The following LMAN1 variants were observed in gnomAD, a reference collection of about 807,000 sequenced individuals.
LMAN1 encodes lectin, mannose binding 1.
A neutral mutation model predicts 67.8 loss-of-function variants in LMAN1; 32 were observed. That is an observed-to-expected ratio of 0.47 (90% confidence interval 0.36 to 0.63). The LOEUF (loss-of-function observed/expected upper bound fraction) is 0.63, where lower values mean the gene tolerates loss of function less well. Among genes scored for constraint, LMAN1 ranks in the 30% least tolerant of loss-of-function variants. The pLI, the probability that LMAN1 is intolerant of heterozygous loss-of-function variation, is 0.00. For missense variants in LMAN1, 632 were observed against 628.2 expected (o/e 1.01, Z -0.06); for synonymous variants, 235 against 219.3 (o/e 1.07, Z -0.63).
At chr18:59,344,323 A>G (rs1357798453) in intron 8 of LMAN1, among the ~76,000 whole-genome samples, 1 of 152,190 alleles carries the variant, frequency 6.6e-6, no homozygotes, top group African/African-American at 2.4e-5. Context: ...TCATTATATC[A>G]AAAAGATACT....
At chr18:59,336,654 C>G (rs1365256905) in intron 10 of LMAN1, among the ~76,000 whole-genome samples, 1 of 152,146 alleles carries the variant, frequency 6.6e-6, no homozygotes, top group Non-Finnish European at 1.5e-5. Context: ...GAGGCAGAGG[C>G]AGGAGGACTG....
chr18:59,358,893 A>T (rs1908726765), intron 1 of LMAN1, 138 bp downstream of exon 1: 1 of 852,900 alleles, frequency 1.2e-6, no homozygotes, highest in Non-Finnish European at 1.9e-6. Flanking sequence ...GGCTGCCAGG[A>T]GGGTCCCCTC....
chr18:59,352,638 C>T (rs1908568411), intron 5 of LMAN1: 1 of 167,702 alleles, frequency 6.0e-6, no homozygotes, highest in Non-Finnish European at 1.3e-5. Flanking sequence ...CACACACACA[C>T]ACCCTCTTCC....
At chr18:59,354,816 C>A (rs1044358088) in intron 3 of LMAN1, among the ~76,000 whole-genome samples, 1 of 152,134 alleles carries the variant, frequency 6.6e-6, no homozygotes, top group African/African-American at 2.4e-5. Flanking sequence ...GGCTGTTAAG[C>A]CACAAGCTAA....
In LMAN1 at chr18:59,338,838, A is replaced by C. The variant is rs1193546100; in HGVS notation, c.1071T>G (p.Asp357Glu). Residue 357 changes from aspartate (D) to glutamate (E), a missense_variant, in exon 9 of 13, where the codon GAT becomes GAG. By Grantham distance (45) the Asp-to-Glu change is conservative. Transcript: ENST00000251047. ...QLNRQLDMIL[D>E]EQRRYVSSLT... Reference sequence around the variant, plus strand: ...AGGAAGAGACATATCTTCTCTGTTCATCAAGAATCATATCTAACTGCCGGT... The same window carrying C: ...AGGAAGAGACATATCTTCTCTGTTCCTCAAGAATCATATCTAACTGCCGGT... The C allele has an allele frequency of 6.2e-7, 1 of 1,613,982 alleles. No individual in the cohort carries two copies.
chr18:59,359,055 C>G lies in LMAN1; in HGVS notation c.190G>C (p.Val64Leu), dbSNP rs772400644. 6.2e-7 allele frequency: 1 copy of G among 1,613,990 alleles called. No homozygotes were observed. The highest frequency in any genetic ancestry group is 1.1e-5 in the South Asian group (1 of 91,086). The change falls in exon 1 of 13, where the codon GTG becomes CTG. Residue 64 changes from valine (V) to leucine (L), a missense_variant. Physicochemically the swap from Val to Leu is conservative, Grantham distance 32 (BLOSUM62 1). Transcript: ENST00000251047. ...GPHLVQSDGTVPFWAHAGNAI... is the reference protein window; with the variant it reads ...GPHLVQSDGTLPFWAHAGNAI... ...CTCCCCGCGTGGGCCCAGAAGGGCACGGTCCCGTCGCTCTGCACCAGGTGC... is the reference window on the plus strand; with the variant it reads ...CTCCCCGCGTGGGCCCAGAAGGGCAGGGTCCCGTCGCTCTGCACCAGGTGC...
At chr18:59,344,441 G>GTA (rs1908355375) in intron 8 of LMAN1, among the ~76,000 whole-genome samples, 1 of 151,942 alleles carries the variant, frequency 6.6e-6, no homozygotes, top group Non-Finnish European at 1.5e-5. Context: ...GTGTGTGTGT[G>GTA]TATATATGTA....
Position 59,338,590 on chromosome 18 carries a change from TGA to T in LMAN1, c.1185_1186del (p.Gln396AlafsTer2). 1 of 1,613,934 alleles carries T rather than the reference TGA, an allele frequency of 6.2e-7. No homozygotes were observed. Among genetic ancestry groups the T allele is most frequent in the Non-Finnish European group, 8.5e-7 (1 of 1,179,836 alleles). On this transcript the variant is annotated frameshift_variant, in exon 10 of 13. Transcript: ENST00000251047. LOFTEE classifies it high-confidence loss of function. The stretch of plus-strand genomic sequence containing the variant: ...ATTTACTTGTCTCAGAATCTCATGC[TGA>T]GTTTTCACAACAGTATCCAGTTCTT...
chr18:59,352,913 AT>A, intron 5 of LMAN1: 10 of 373,288 alleles, frequency 2.7e-5, no homozygotes, highest in Non-Finnish European at 4.6e-5. Flanking sequence ...CCGTCTATCT[AT>A]CTATCTACCT....
chr18:59,348,116 T>C (rs41364947), intron 6 of LMAN1, among the ~76,000 whole-genome samples: 250 of 152,288 alleles, frequency 1.6e-3, no homozygotes, highest in African/African-American at 5.8e-3. Flanking sequence ...TAAAATCATA[T>C]CAAAAAATCA....
At chr18:59,334,137 A>G (rs1012678757) in intron 10 of LMAN1, among the ~76,000 whole-genome samples, 1 of 152,194 alleles carries the variant, frequency 6.6e-6, no homozygotes, top group African/African-American at 2.4e-5. Context: ...CCAAAACCTC[A>G]CAGAGTATGT....
chr18:59,355,284 G>GTGGA, intron 3 of LMAN1, 29 bp downstream of exon 3: 11 of 1,494,854 alleles, frequency 7.4e-6, no homozygotes, highest in Non-Finnish European at 1.0e-5. Flanking sequence ...ATGTATTAAA[G>GTGGA]TGGATAACAG....
At position 59,359,150 on chromosome 18, in the gene LMAN1, C is replaced by T. The variant is rs1346522200; in HGVS notation, c.95G>A (p.Gly32Asp). ...CGCGACCGCGGGGTCTCCTCCCACG[C>T]CGTCGCCCCGGACGAAGCGACCGAG... ...LSLGRFVRGD[G>D]VGGDPAVALP... Residue 32 changes from glycine to aspartate, a missense_variant, in exon 1 of 13, where the codon GGC becomes GAC. Transcript: ENST00000251047. 3 of 1,614,076 alleles carry T rather than the reference C, an allele frequency of 1.9e-6. No homozygotes were observed. Among genetic ancestry groups the T allele is most frequent in the Non-Finnish European group, 2.5e-6 (3 of 1,179,974 alleles).
chr18:59,345,398 C>A (rs1908376800), intron 8 of LMAN1, among the ~76,000 whole-genome samples: 1 of 152,144 alleles, frequency 6.6e-6, no homozygotes, highest in African/African-American at 2.4e-5. Context: ...AGTATACAGT[C>A]CAGGATTCTA....
rs374566437 is a variant in LMAN1, at chr18:59,349,047, C to T, written c.763+66G>A. 17 of 1,574,886 alleles carry T rather than the reference C, an allele frequency of 1.1e-5. No individual in the cohort carries two copies. In the East Asian group the frequency reaches 2.5e-4, roughly 23 times the overall value. ...TTAGTATAAACAAGTCTACATATCC[C>T]TAATATACTATTCCCAATAAAACAC... On this transcript the variant is annotated intron_variant, in intron 6 of 12. Coordinates refer to ENST00000251047, the MANE Select transcript of LMAN1 (RefSeq NM_005570.4).
At chr18:59,358,784 G>C (rs770136020) in intron 1 of LMAN1, among the ~76,000 whole-genome samples, 8 of 152,156 alleles carry the variant, frequency 5.3e-5, no homozygotes, top group Non-Finnish European at 1.0e-4. Context: ...GATCAAAGAA[G>C]GGAAGACAGC....
intron 7 of LMAN1, among the ~76,000 whole-genome samples, 158 bp from the exon 8 acceptor site, chr18:59,346,209 CTTTTTTTTTTTTTTTT>C (rs370183077): frequency 6.5e-5 from 4 of 61,588 alleles, no homozygotes; most frequent in East Asian, 4.7e-4. Context: ...GCAAATTACT[CTTTTTTTTTTTTTTTT>C]TTTTTTTTTT....
rs755965419 is a variant in LMAN1 at position 59,345,870 on chromosome 18, C to T, written c.955+49G>A. 6.2e-6 allele frequency: 10 copies of T among 1,610,728 alleles called. No individual in the cohort carries two copies. The Admixed American group carries it at 8.3e-5, about 13-fold the overall frequency. ...CAGAGACTCAAGCGTCCATGATCAA[C>T]AGCCTCAAGCCCTGCTGCGGCACCC... On this transcript the variant is annotated intron_variant, in intron 8 of 12. Coordinates refer to ENST00000251047, the MANE Select transcript of LMAN1 (RefSeq NM_005570.4).
At chr18:59,338,511 A>C (rs1908213882) in intron 10 of LMAN1, 46 bp downstream of exon 10, 5 of 1,504,940 alleles carry the variant, frequency 3.3e-6, no homozygotes, top group Non-Finnish European at 4.6e-6. Flanking sequence ...CAAATTTAGG[A>C]TAAAAAAAAT....
Sources: gnomAD v4.1 joint callset for allele counts (sites outside exome capture counted in the v4.1 genomes callset) on GRCh38, gnomAD v4.1.1 for gene constraint, MANE v1.5 for transcripts, NCBI Gene and HGNC (gene_info 2026-07-23, HGNC 2026-07-21) for gene names.